Variants in FAAH2 observed in about 807,000 individuals in gnomAD.
FAAH2 encodes the protein fatty-acid amide hydrolase 2.
Under a neutral mutation model 36.9 loss-of-function variants are expected in FAAH2, and 60 were observed. That is an observed-to-expected ratio of 1.63 (90% CI 1.32 to 2.02). The LOEUF (loss-of-function observed/expected upper bound fraction) is 2.02, where lower values mean the gene tolerates loss of function less well. Among genes scored for constraint, FAAH2 ranks in the 30% most tolerant of loss-of-function variants. FAAH2 has a pLI of 0.00. For missense variants in FAAH2, 689 were observed against 397.5 expected (o/e 1.73, Z -6.23); for synonymous variants, 214 against 143.8 (o/e 1.49, Z -3.49).
At chrX:57,230,941 C>CT in the FAAH2 span, among the ~76,000 whole-genome samples, 152 of 108,757 alleles carry the variant, frequency 1.4e-3, no homozygotes, top group African/African-American at 4.7e-3. Context: ...TGCTTTTGTG[C>CT]TTTTTTTATT....
intron 3 of FAAH2, among the ~76,000 whole-genome samples, chrX:57,313,416 C>T (rs994100596): frequency 1.8e-5 from 2 of 108,288 alleles, no homozygotes; most frequent in Non-Finnish European, 3.8e-5. Context: ...ATAAGATGAC[C>T]ATCCCCAAGG....
At chrX:57,180,369 C>T in the FAAH2 span, among the ~76,000 whole-genome samples, 1 of 111,046 alleles carries the variant, frequency 9.0e-6, no homozygotes, top group Non-Finnish European at 1.9e-5. Flanking sequence ...TAGCTGGACT[C>T]ATAAAAAGGA....
intron 3 of FAAH2, among the ~76,000 whole-genome samples, chrX:57,319,622 T>G (rs985021819): frequency 8.9e-6 from 1 of 111,809 alleles, no homozygotes; most frequent in Non-Finnish European, 1.9e-5. Context: ...TTCAATGCTA[T>G]CCCCATTGAA....
chrX:57,196,229 T>A, the FAAH2 span, among the ~76,000 whole-genome samples: 1 of 111,956 alleles, frequency 8.9e-6, no homozygotes, highest in Non-Finnish European at 1.9e-5. Flanking sequence ...TACCCATCCA[T>A]GAACATTTCA....
At chrX:57,482,965 G>A (rs1475379894) in intron 10 of FAAH2, among the ~76,000 whole-genome samples, 1 of 109,706 alleles carries the variant, frequency 9.1e-6, no homozygotes, top group Non-Finnish European at 1.9e-5. Flanking sequence ...ATTTACTTTA[G>A]ATAGTCTGAT....
At chrX:57,484,113 C>CT (rs1445470081) in intron 10 of FAAH2, among the ~76,000 whole-genome samples, 1 of 110,951 alleles carries the variant, frequency 9.0e-6, no homozygotes, top group Non-Finnish European at 1.9e-5. Flanking sequence ...CCACTGGCAA[C>CT]TTTTTTATTG....
chrX:57,152,772 C>G, the FAAH2 span, among the ~76,000 whole-genome samples: 4 of 111,589 alleles, frequency 3.6e-5, no homozygotes, highest in Non-Finnish European at 7.5e-5. Flanking sequence ...GCTGCACCCA[C>G]TGTCCTGCAC....
chrX:57,439,430 C>T (rs1319251168), intron 8 of FAAH2, among the ~76,000 whole-genome samples: 1 of 111,588 alleles, frequency 9.0e-6, no homozygotes, highest in African/African-American at 3.3e-5. Flanking sequence ...ATATCCTTCG[C>T]CCACTTTTTG....
At chrX:57,353,494 A>AAAG (rs1555980720) in intron 5 of FAAH2, among the ~76,000 whole-genome samples, 36 of 106,613 alleles carry the variant, frequency 3.4e-4, no homozygotes, top group African/African-American at 8.9e-4. Context: ...TATTAAAAAA[A>AAAG]AAAAAAGAAA....
the FAAH2 span, chrX:57,136,998 T>C: frequency 1.2e-6 from 1 of 864,774 alleles, no homozygotes; most frequent in Non-Finnish European, 1.4e-6. Context: ...CCCCACTGCC[T>C]ATCCTAACCA....
intron 5 of FAAH2, among the ~76,000 whole-genome samples, chrX:57,372,826 C>T (rs771827409): frequency 9.1e-6 from 1 of 110,098 alleles, no homozygotes; most frequent in South Asian, 3.9e-4. Flanking sequence ...ACCCATCACC[C>T]GAGCAGTATA....
At chrX:57,128,923 G>T in the FAAH2 span, among the ~76,000 whole-genome samples, 1 of 111,508 alleles carries the variant, frequency 9.0e-6, no homozygotes, top group South Asian at 3.7e-4. Context: ...GAAAAACCAA[G>T]GTTATGGGGT....
Position 57,488,802 on chromosome X carries a change from G to A in FAAH2, c.1469G>A (p.Gly490Glu). Residue 490 changes from glycine to glutamate, a missense_variant, in exon 11 of 11, where the codon GGA (glycine) becomes GAA (glutamate). Gly to Glu is a moderately conservative substitution (Grantham distance 98, BLOSUM62 -2). Coordinates refer to ENST00000374900, the MANE Select transcript of FAAH2 (RefSeq NM_174912.4). ...TTGCCTGTGACCCAATGCCCACTGG[G>A]ACTGAATGCCAAAGGACTCCCTTTA... is the stretch of plus-strand genomic sequence containing the variant. ...LGLPVTQCPL[G>E]LNAKGLPLGI... 8.3e-7 allele frequency: 1 copy of A among 1,211,189 alleles called. No individual in the cohort carries two copies.
intron 5 of FAAH2, among the ~76,000 whole-genome samples, chrX:57,350,857 C>T (rs761978414): frequency 9.0e-6 from 1 of 111,072 alleles, no homozygotes; most frequent in Non-Finnish European, 1.9e-5. Flanking sequence ...TATCACTAGA[C>T]CAAAAGAGGA....
At chrX:57,273,772 G>A in the FAAH2 span, among the ~76,000 whole-genome samples, 2 of 111,782 alleles carry the variant, frequency 1.8e-5, no homozygotes, top group East Asian at 5.6e-4. Context: ...TGTTTAGAGG[G>A]AAATTTATAG....
chrX:57,162,381 G>T, the FAAH2 span, among the ~76,000 whole-genome samples: 2 of 111,297 alleles, frequency 1.8e-5, no homozygotes, highest in East Asian at 5.6e-4. Context: ...GGCGTTCTCT[G>T]TATTTCCTGT....
the FAAH2 span, chrX:57,127,007 A>G: frequency 1.8e-5 from 2 of 111,466 alleles, no homozygotes; most frequent in Non-Finnish European, 3.8e-5. Context: ...CTTATCGTTT[A>G]GCTGCTGATC....
intron 7 of FAAH2, among the ~76,000 whole-genome samples, chrX:57,404,101 G>C (rs1262113724): frequency 8.9e-6 from 1 of 112,117 alleles, no homozygotes; most frequent in Admixed American, 9.5e-5. Context: ...AGGTTCCTGG[G>C]TTAAAGATTT....
intron 10 of FAAH2, 42 bp downstream of exon 10, chrX:57,448,760 T>C (rs1374025529): frequency 9.0e-7 from 1 of 1,115,861 alleles, no homozygotes; most frequent in Non-Finnish European, 1.2e-6. Context: ...CTTAAAGAAA[T>C]AGAGATGTAT....
Sources: gnomAD v4.1 joint callset for allele counts (sites outside exome capture counted in the v4.1 genomes callset) on GRCh38, gnomAD v4.1.1 for gene constraint, MANE v1.5 for transcripts, NCBI Gene and HGNC (gene_info 2026-07-23, HGNC 2026-07-21) for gene names.